ZNF385D: variants seen among roughly 807,000 people sequenced by gnomAD.
ZNF385D encodes zinc finger protein 659.
Under a neutral mutation model 35.8 loss-of-function variants are expected in ZNF385D, and 15 were observed. That is an observed-to-expected ratio of 0.42 (90% CI 0.28 to 0.64). The LOEUF (loss-of-function observed/expected upper bound fraction) is 0.64. Among genes scored for constraint, ZNF385D ranks in the 30% least tolerant of loss-of-function variants. The pLI, the probability that ZNF385D is intolerant of heterozygous loss-of-function variation, is 0.23. For missense variants in ZNF385D, 474 were observed against 494.6 expected (o/e 0.96, Z 0.39); for synonymous variants, 212 against 186.8 (o/e 1.13, Z -1.10).
intron 2 of ZNF385D, among the ~76,000 whole-genome samples, chr3:22,320,756 A>G (rs2125444260): frequency 6.6e-6 from 1 of 151,910 alleles, no homozygotes; most frequent in South Asian, 2.1e-4. Context: ...TTAATGTATA[A>G]TTTAAATACA....
intron 2 of ZNF385D, among the ~76,000 whole-genome samples, chr3:22,337,288 T>A (rs1282645274): frequency 6.6e-6 from 1 of 152,118 alleles, no homozygotes; most frequent in African/African-American, 2.4e-5. Flanking sequence ...TCCCCAGATT[T>A]TGAAAGGTCG....
chr3:22,049,332 T>TA (rs367987643), intron 3 of ZNF385D, among the ~76,000 whole-genome samples: 14 of 149,840 alleles, frequency 9.3e-5, no homozygotes, highest in South Asian at 2.1e-4. Context: ...TAAAATAAAA[T>TA]AAATAAAAAA....
At chr3:21,917,777 G>A (rs918159404) in intron 3 of ZNF385D, among the ~76,000 whole-genome samples, 1 of 152,100 alleles carries the variant, frequency 6.6e-6, no homozygotes, top group African/African-American at 2.4e-5. Flanking sequence ...TACCCTCAGT[G>A]GCTAAGTGGA....
chr3:22,285,022 A>T (rs1701953556), intron 2 of ZNF385D, among the ~76,000 whole-genome samples: 1 of 152,164 alleles, frequency 6.6e-6, no homozygotes, highest in African/African-American at 2.4e-5. Flanking sequence ...TAGTTTACTG[A>T]ATAATAAGCT....
At chr3:22,257,721 T>C (rs1042220356) in intron 2 of ZNF385D, among the ~76,000 whole-genome samples, 1 of 151,820 alleles carries the variant, frequency 6.6e-6, no homozygotes, top group African/African-American at 2.4e-5. Context: ...TCCTTTTAAC[T>C]CATACTATCA....
At chr3:22,240,092 A>T (rs933004738) in intron 2 of ZNF385D, among the ~76,000 whole-genome samples, 14 of 147,430 alleles carry the variant, frequency 9.5e-5, no homozygotes, top group Non-Finnish European at 1.6e-4. Context: ...CTGACGTGGG[A>T]GGATCACCTG....
chr3:22,081,321 T>C (rs2125583256), intron 3 of ZNF385D, among the ~76,000 whole-genome samples: 1 of 152,278 alleles, frequency 6.6e-6, no homozygotes, highest in Middle Eastern at 3.4e-3. Flanking sequence ...GAGCTTAAAT[T>C]CTTATTCTCC....
chr3:22,283,852 A>G (rs1401673658), intron 2 of ZNF385D, among the ~76,000 whole-genome samples: 2 of 152,196 alleles, frequency 1.3e-5, no homozygotes, highest in Admixed American at 6.5e-5. Flanking sequence ...CAAGAAAGGA[A>G]GAAAGAAATC....
chr3:22,154,451 A>C (rs942367852), intron 3 of ZNF385D, among the ~76,000 whole-genome samples: 1 of 152,194 alleles, frequency 6.6e-6, no homozygotes, highest in Non-Finnish European at 1.5e-5. Flanking sequence ...GTAAGAAAAC[A>C]GAAGAAAATC....
At chr3:22,064,664 C>T (rs566038548) in intron 3 of ZNF385D, among the ~76,000 whole-genome samples, 33 of 152,278 alleles carry the variant, frequency 2.2e-4, no homozygotes, top group African/African-American at 5.8e-4. Context: ...GAGGACCTTA[C>T]GCTAAGTGAA....
intron 2 of ZNF385D, among the ~76,000 whole-genome samples, chr3:22,245,151 G>C (rs1301786857): frequency 6.6e-6 from 1 of 152,072 alleles, no homozygotes; most frequent in Non-Finnish European, 1.5e-5. Flanking sequence ...GATAAAGTCT[G>C]AACAATAAAT....
At chr3:21,844,443 T>C (rs1419540040) in intron 3 of ZNF385D, among the ~76,000 whole-genome samples, 1 of 151,868 alleles carries the variant, frequency 6.6e-6, no homozygotes, top group Admixed American at 6.6e-5. Flanking sequence ...TTGGGGATTT[T>C]GATAGGCAAC....
chr3:22,249,829 A>G (rs543820387), intron 2 of ZNF385D, among the ~76,000 whole-genome samples: 301 of 152,300 alleles, frequency 2.0e-3, no homozygotes, highest in Non-Finnish European at 3.2e-3. Flanking sequence ...ACTAGAGTCC[A>G]CCTGAAACAA....
intron 3 of ZNF385D, among the ~76,000 whole-genome samples, chr3:21,756,486 G>C (rs1464584291): frequency 6.6e-6 from 1 of 152,000 alleles, no homozygotes; most frequent in Non-Finnish European, 1.5e-5. Flanking sequence ...ATAGTAGTTT[G>C]GCTATATGGG....
At chr3:22,043,151 G>T (rs928986218) in intron 3 of ZNF385D, among the ~76,000 whole-genome samples, 2 of 152,016 alleles carry the variant, frequency 1.3e-5, no homozygotes, top group African/African-American at 4.8e-5. Flanking sequence ...AAGTCCTTTG[G>T]GTTATTTATC....
chr3:21,998,871 C>T (rs1208406999), intron 3 of ZNF385D, among the ~76,000 whole-genome samples: 1 of 152,154 alleles, frequency 6.6e-6, no homozygotes, highest in Non-Finnish European at 1.5e-5. Flanking sequence ...CACATGCTCA[C>T]ATGCACATAC....
chr3:22,331,068 G>C (rs368194763), intron 2 of ZNF385D, among the ~76,000 whole-genome samples: 1 of 152,158 alleles, frequency 6.6e-6, no homozygotes, highest in East Asian at 1.9e-4. Flanking sequence ...TGTGTTTGCA[G>C]CAGGGAATGT....
intron 2 of ZNF385D, 26 bp from the exon 3 acceptor site, chr3:21,564,710 C>CAAAT: frequency 1.4e-6 from 2 of 1,412,860 alleles, no homozygotes; most frequent in East Asian, 2.4e-5. Context: ...AGAAATACAA[C>CAAAT]AAATAGAAAT....
chr3:21,824,899 C>T (rs1403983603), intron 3 of ZNF385D, among the ~76,000 whole-genome samples: 1 of 152,128 alleles, frequency 6.6e-6, no homozygotes, highest in Non-Finnish European at 1.5e-5. Context: ...CACTCTAATG[C>T]TGATTGTAAC....
Sources: allele counts gnomAD v4.1 joint callset (sites outside exome capture counted in the v4.1 genomes callset), GRCh38; gene constraint gnomAD v4.1.1; transcripts MANE v1.5; gene names NCBI Gene and HGNC (gene_info 2026-07-23, HGNC 2026-07-21).